SLC6A19: variants seen among roughly 807,000 people sequenced by gnomAD.
The protein encoded by SLC6A19 is solute carrier family 6 member 19.
A neutral mutation model predicts 68.3 loss-of-function variants in SLC6A19; 67 were observed. The observed-to-expected ratio is 0.98, with a 90% CI of 0.81 to 1.20. SLC6A19 has a LOEUF of 1.20. Among genes scored for constraint, SLC6A19 ranks in the 50% most tolerant of loss-of-function variants. The pLI is 0.00. For synonymous variants in SLC6A19, 392 were observed against 374.9 expected (o/e 1.05, Z -0.53); for missense variants, 813 against 851.6 (o/e 0.95, Z 0.56).
chr5:1,221,052 C>T lies in SLC6A19; in HGVS notation c.1539-99C>T, dbSNP rs928602132. The T allele has an allele frequency of 2.4e-5, 35 of 1,489,140 alleles. No homozygotes were observed. The African/African-American group carries it at 2.8e-4, about 12-fold the overall frequency. The allele number at this position is 1,489,140 out of a possible 1,614,324, so 92.2% of individuals were successfully genotyped here. A position where few individuals can be genotyped will look rare whatever the true frequency, so the allele number is the denominator to read the frequency against. On this transcript the variant is annotated intron_variant, in intron 10 of 11. Transcript: ENST00000304460. ...CCTGGCAAGGGGAGGCCGGGCACCT[C>T]GCAGCACACCATCTGTTCGGGTAGC...
chr5:1,221,125 G>A (rs1456880779), intron 10 of SLC6A19, 26 bp from the exon 11 acceptor site: 1 of 1,610,752 alleles, frequency 6.2e-7, no homozygotes, highest in Non-Finnish European at 8.5e-7. Flanking sequence ...GGTAGCAGCA[G>A]TGACAGCTGT....
chr5:1,203,059 TG>T (rs751867188), intron 1 of SLC6A19, among the ~76,000 whole-genome samples: 5 of 152,018 alleles, frequency 3.3e-5, no homozygotes, highest in Non-Finnish European at 7.4e-5. Flanking sequence ...CCCTATCCTG[TG>T]GGGAGGATCC....
chr5:1,207,322 G>A (rs892863373), intron 1 of SLC6A19, among the ~76,000 whole-genome samples: 1 of 152,178 alleles, frequency 6.6e-6, no homozygotes, highest in African/African-American at 2.4e-5. Flanking sequence ...TAGCCTGGGG[G>A]CCTTGTGGCT....
Position 1,208,784 on chromosome 5 carries a change from G to C in SLC6A19, c.241G>C (p.Glu81Gln). ...CCCGTTCCTCATCCTGCTGGTCCTG[G>C]AGGGCATCCCCCTGCTGTACCTGGA... ...MIPFLILLVLEGIPLLYLEFA... is the reference protein window; with the variant it reads ...MIPFLILLVLQGIPLLYLEFA... Residue 81 changes from glutamate (E) to glutamine (Q), a missense_variant, in exon 2 of 12, where the codon GAG (glutamate) becomes CAG (glutamine). Physicochemically the swap from Glu to Gln is conservative, Grantham distance 29. Coordinates refer to ENST00000304460, the MANE Select transcript of SLC6A19 (RefSeq NM_001003841.3). 6.2e-7 allele frequency: 1 copy of C among 1,613,410 alleles called. No homozygotes were observed. Among genetic ancestry groups the C allele is most frequent in the Non-Finnish European group, 8.5e-7 (1 of 1,180,004 alleles).
In SLC6A19 at chr5:1,221,739, C is replaced by A. The variant is rs2126515971; in HGVS notation, c.1740C>A (p.Asn580Lys). The A allele has an allele frequency of 1.9e-6, 3 of 1,614,100 alleles. No individual in the cohort carries two copies. Among genetic ancestry groups the A allele is most frequent in the Non-Finnish European group, 2.5e-6 (3 of 1,179,938 alleles). Reference protein sequence around the residue: ...FPKSQKISYPNWVYVVVVIVA... With the variant: ...FPKSQKISYPKWVYVVVVIVA... ...AATCCCAGAAGATCTCCTACCCGAA[C>A]TGGGTGTATGTGGTGGTGGTGATTG... is the stretch of plus-strand genomic sequence containing the variant. The change falls in exon 12 of 12, where the codon AAC (asparagine) becomes AAA (lysine). Residue 580 changes from asparagine (N) to lysine (K), a missense_variant. Coordinates refer to ENST00000304460, the MANE Select transcript of SLC6A19 (RefSeq NM_001003841.3).
rs115477575 is a variant in SLC6A19, at chr5:1,211,134, C to T, written c.481+553C>T. On this transcript the variant is annotated intron_variant, in intron 3 of 11. Transcript: ENST00000304460. ...GCTTGGTCACCACCGGCTTCTGGTC[C>T]GACCAGCACAGCGGGGCCAGCGGGG... Among the ~76,000 whole-genome samples, 1,521 of 152,312 alleles carry T rather than the reference C, an allele frequency of 1.0e-2. 19 individuals carry two copies. Among genetic ancestry groups the T allele is most frequent in the South Asian group, 0.029 (139 of 4,820 alleles).
chr5:1,222,140 G>T lies in SLC6A19; in HGVS notation c.*236G>T, dbSNP rs984368005. 5 of 604,044 alleles carry T rather than the reference G, an allele frequency of 8.3e-6. No individual in the cohort carries two copies. Among genetic ancestry groups the T allele is most frequent in the East Asian group, 8.3e-5 (3 of 36,308 alleles). 37.4% of individuals were successfully genotyped at this position (604,044 alleles called of 1,614,324 possible). A position where few individuals can be genotyped will look rare whatever the true frequency, so the allele number is the denominator to read the frequency against. On this transcript the variant is annotated 3_prime_UTR_variant, in exon 12 of 12. Transcript: ENST00000304460. The stretch of plus-strand genomic sequence containing the variant: ...GTATGCACACATATACATGTGTGTG[G>T]GTGTGTGTATTGTATGTGCATGTGC...
At chr5:1,218,171 A>G (rs1314141974) in intron 8 of SLC6A19, among the ~76,000 whole-genome samples, 1 of 152,186 alleles carries the variant, frequency 6.6e-6, no homozygotes, top group African/African-American at 2.4e-5. Flanking sequence ...CCTGCTGTGC[A>G]AGGGGTTCCA....
At chr5:1,208,703 C>T in intron 1 of SLC6A19, 43 bp from the exon 2 acceptor site, 1 of 1,612,940 alleles carries the variant, frequency 6.2e-7, no homozygotes, top group Non-Finnish European at 8.5e-7. Flanking sequence ...TTCCTGCTCC[C>T]CCGGGAACGG....
rs202191814 is a variant in SLC6A19 at position 1,201,733 on chromosome 5, A to T, written c.83A>T (p.Glu28Val). 54 of 1,612,642 alleles carry T rather than the reference A, an allele frequency of 3.3e-5. No individual in the cohort carries two copies. In the African/African-American group the frequency reaches 6.5e-4, roughly 20 times the overall value. Residue 28 changes from glutamate to valine, a missense_variant, in exon 1 of 12, where the codon GAG becomes GTG. Coordinates refer to ENST00000304460, the MANE Select transcript of SLC6A19 (RefSeq NM_001003841.3). ...LAELETIEQEEASSRPKWDNK... is the reference protein window; with the variant it reads ...LAELETIEQEVASSRPKWDNK... ...GAGCTGGAGACCATCGAGCAGGAGG[A>T]GGCCAGCTCCCGGCCGAAGTGGGAC...
chr5:1,206,251 C>G (rs1745848143), intron 1 of SLC6A19, among the ~76,000 whole-genome samples: 1 of 151,812 alleles, frequency 6.6e-6, no homozygotes, highest in African/African-American at 2.4e-5. Context: ...CTCTCTCTCT[C>G]TCTCCATCGC....
In SLC6A19 at chr5:1,214,485, C is replaced by T. The variant is rs1353615334; in HGVS notation, c.887+420C>T. Among the ~76,000 whole-genome samples, 1 of 152,198 alleles carries T rather than the reference C, an allele frequency of 6.6e-6. No homozygotes were observed. Among genetic ancestry groups the T allele is most frequent in the Non-Finnish European group, 1.5e-5 (1 of 68,036 alleles). On this transcript the variant is annotated intron_variant, in intron 6 of 11. Transcript: ENST00000304460. This position sits in a 1 kb window ranked among gnomAD's most constrained non-coding sequence, Gnocchi z 7.4. The stretch of plus-strand genomic sequence containing the variant: ...CTTCCACTGCCCCTTCCCCACGTAC[C>T]CACTGCGCTTCCCAATGCCCCTGGG...
chr5:1,204,622 C>T (rs927721838), intron 1 of SLC6A19, among the ~76,000 whole-genome samples: 3 of 152,214 alleles, frequency 2.0e-5, no homozygotes, highest in Non-Finnish European at 2.9e-5. Context: ...CGTGTGTCCC[C>T]GTCAGTGGCT....
In SLC6A19 at chr5:1,219,598, C is replaced by G. The variant is rs763527431; in HGVS notation, c.1472C>G (p.Ser491Cys). 1.9e-6 allele frequency: 3 copies of G among 1,611,426 alleles called. No individual in the cohort carries two copies. The highest frequency in any genetic ancestry group is 3.3e-5 in the Admixed American group (2 of 60,022). The change falls in exon 10 of 12, where the codon TCC (serine) becomes TGC (cysteine). Residue 491 changes from serine to cysteine, a missense_variant. By Grantham distance (112) the Ser-to-Cys change is moderately radical. Coordinates refer to ENST00000304460, the MANE Select transcript of SLC6A19 (RefSeq NM_001003841.3). ...TCCCTGCTGGACAGCTATGCCGGCT[C>G]CATTCCCCTGCTCATCATCGCCTTC... ...WLSLLDSYAG[S>C]IPLLIIAFCE... is the part of the protein sequence containing the mutation.
Position 1,212,440 on chromosome 5 carries a change from G to C in SLC6A19, c.619G>C (p.Val207Leu). Residue 207 changes from valine (V) to leucine (L), a missense_variant, in exon 4 of 12, where the codon GTC (valine) becomes CTC (leucine). Transcript: ENST00000304460. The surrounding 1 kb of genome is among the most constrained non-coding windows in gnomAD (Gnocchi z 5.1). ...MLLCLACAWS[V>L]LYMCTIRGIE... Reference sequence around the variant, plus strand: ...GCTGTGCCTGGCCTGCGCATGGAGCGTCCTGTACATGTGCACCATCCGCGG... The same window carrying C: ...GCTGTGCCTGGCCTGCGCATGGAGCCTCCTGTACATGTGCACCATCCGCGG... The C allele has an allele frequency of 6.2e-7, 1 of 1,611,358 alleles. No homozygotes were observed. The highest frequency in any genetic ancestry group is 8.5e-7 in the Non-Finnish European group (1 of 1,179,884).
At position 1,222,000 on chromosome 5, in the gene SLC6A19, T is replaced by C; in HGVS notation, c.*96T>C. ...GGGCCGGGCTGCACCTGCATGTGTG[T>C]AAGCGTGAGTGTATGCTCGTGTGTG... is the stretch of plus-strand genomic sequence containing the variant. On this transcript the variant is annotated 3_prime_UTR_variant, in exon 12 of 12. Transcript: ENST00000304460. The C allele has an allele frequency of 1.5e-6, 2 of 1,329,394 alleles. No homozygotes were observed. The highest frequency in any genetic ancestry group is 2.1e-6 in the Non-Finnish European group (2 of 949,720). 82.3% of individuals were successfully genotyped at this position (1,329,394 alleles called of 1,614,324 possible).
In SLC6A19 at chr5:1,208,741, T is replaced by C. The variant is rs1745926060; in HGVS notation, c.203-5T>C. 3.1e-6 allele frequency: 5 copies of C among 1,613,308 alleles called. No homozygotes were observed. Among genetic ancestry groups the C allele is most frequent in the Admixed American group, 3.3e-5 (2 of 60,012 alleles). On this transcript the variant is annotated splice_region_variant and splice_polypyrimidine_tract_variant and intron_variant, in intron 1 of 11. Transcript: ENST00000304460. ...CTCAGGCATGGTGGACTCCTCCCAT[T>C]GCAGGAGCCTTCATGATCCCGTTCC...
chr5:1,210,255 G>A (rs1452707769), intron 2 of SLC6A19, among the ~76,000 whole-genome samples, 189 bp from the exon 3 acceptor site: 6 of 152,228 alleles, frequency 3.9e-5, no homozygotes, highest in Non-Finnish European at 7.3e-5. Flanking sequence ...AGCCTGGAAG[G>A]CGTGTACAGG....
intron 6 of SLC6A19, 152 bp from the exon 7 acceptor site, chr5:1,216,406 G>A: frequency 8.9e-7 from 1 of 1,123,584 alleles, no homozygotes; most frequent in Non-Finnish European, 1.3e-6. Context: ...CTCGGAGTGG[G>A]GCAGGGGCTC....
Sources: gnomAD v4.1 joint callset for allele counts (sites outside exome capture counted in the v4.1 genomes callset) on GRCh38, gnomAD v4.1.1 for gene constraint, Gnocchi (gnomAD v3.1) non-coding constraint, MANE v1.5 for transcripts, NCBI Gene and HGNC (gene_info 2026-07-23, HGNC 2026-07-21) for gene names.